SVEP1: variants seen among roughly 807,000 people sequenced by gnomAD.
SVEP1 encodes sushi, von Willebrand factor type A, EGF and pentraxin domain containing 1.
In SVEP1, 164 loss-of-function variants were observed where a neutral mutation model predicts 367.3. The observed-to-expected ratio is 0.45, with a 90% CI of 0.39 to 0.51. SVEP1 has a LOEUF of 0.51. Ranked by LOEUF, SVEP1 falls within the 20% of genes least tolerant of loss-of-function variation. SVEP1 has a pLI of 0.00. For missense variants in SVEP1, 4,117 were observed against 4,425.3 expected, an observed-to-expected ratio of 0.93 and a Z score of 1.98; for synonymous variants, 1,666 against 1,611.6, an observed-to-expected ratio of 1.03 and a Z score of -0.81.
At chr9:110,578,011 T>G (rs1830645726) in intron 1 of SVEP1, among the ~76,000 whole-genome samples, 1 of 152,146 alleles carries the variant, frequency 6.6e-6, no homozygotes, top group African/African-American at 2.4e-5. Flanking sequence ...GAATATAAAT[T>G]TATACAACCC....
chr9:110,370,856 A>G (rs1233887314), intron 46 of SVEP1, among the ~76,000 whole-genome samples: 1 of 152,252 alleles, frequency 6.6e-6, no homozygotes, highest in East Asian at 1.9e-4. Flanking sequence ...AGTAAGAACC[A>G]TTCCAATATC....
At chr9:110,477,930 G>C (rs778467181) in intron 13 of SVEP1, among the ~76,000 whole-genome samples, 2 of 152,058 alleles carry the variant, frequency 1.3e-5, no homozygotes, top group Non-Finnish European at 2.9e-5. Flanking sequence ...CATTTAATTA[G>C]AGTAAAAGGC....
At chr9:110,517,603 A>AAT (rs961643154) in intron 3 of SVEP1, among the ~76,000 whole-genome samples, 27 of 151,422 alleles carry the variant, frequency 1.8e-4, no homozygotes, top group South Asian at 4.2e-4. Flanking sequence ...ATCTCAAAAA[A>AAT]AAAAAAAAAA....
At chr9:110,451,182 A>G (rs1280863584) in intron 23 of SVEP1, 107 bp downstream of exon 23, 3 of 841,754 alleles carry the variant, frequency 3.6e-6, no homozygotes, top group Non-Finnish European at 5.6e-6. Flanking sequence ...ATCACCATAC[A>G]GTAATAAAAT....
chr9:110,395,714 T>G (rs1205426568), intron 40 of SVEP1, among the ~76,000 whole-genome samples: 1 of 150,758 alleles, frequency 6.6e-6, no homozygotes, highest in Non-Finnish European at 1.5e-5. Context: ...TAGTCTCTGA[T>G]AAAACAGACT....
At chr9:110,388,991 AATACATAC>A (rs1341306954) in intron 41 of SVEP1, among the ~76,000 whole-genome samples, 2 of 152,006 alleles carry the variant, frequency 1.3e-5, no homozygotes, top group African/African-American at 2.4e-5. Flanking sequence ...AAAATACATA[AATACATAC>A]ATACATTGTC....
intron 3 of SVEP1, among the ~76,000 whole-genome samples, chr9:110,539,786 C>A (rs1830122311): frequency 6.6e-6 from 1 of 151,880 alleles, no homozygotes; most frequent in Admixed American, 6.6e-5. Flanking sequence ...ATATATGCTG[C>A]CAAAGCAAGC....
Position 110,579,400 on chromosome 9 carries a change from C to T in SVEP1, c.144G>A (p.Ala48=). The T allele has an allele frequency of 6.4e-7, 1 of 1,573,106 alleles. No individual in the cohort carries two copies. Among genetic ancestry groups the T allele is most frequent in the Non-Finnish European group, 8.6e-7 (1 of 1,160,328 alleles). The stretch of plus-strand genomic sequence containing the variant: ...CCGCTTCGTCGCCAGGAGCGGGCGG[C>T]GCGGGGATACTCCCGGGGGCCCCGG... ...TAPGAPGSIP[A]PPAPGDEAAG... Residue 48 remains alanine, a synonymous_variant, in exon 1 of 48, where the codon GCG becomes GCA. Transcript: ENST00000374469. This position sits in a 1 kb window ranked among gnomAD's most constrained non-coding sequence, Gnocchi z 5.3.
At chr9:110,371,051 CAG>C (rs1827267784) in intron 46 of SVEP1, among the ~76,000 whole-genome samples, 1 of 152,136 alleles carries the variant, frequency 6.6e-6, no homozygotes, top group African/African-American at 2.4e-5. Context: ...GGTCCTTGTC[CAG>C]AGAGAACAAG....
At chr9:110,367,704 C>T (rs1827220362) in intron 47 of SVEP1, among the ~76,000 whole-genome samples, 1 of 152,034 alleles carries the variant, frequency 6.6e-6, no homozygotes, top group Admixed American at 6.6e-5. Context: ...CAATCTGGAC[C>T]AATCAGAGTC....
In SVEP1 at chr9:110,479,693, T is replaced by C. The variant is rs756412171; in HGVS notation, c.2429A>G (p.Asp810Gly). The C allele has an allele frequency of 1.4e-5, 23 of 1,611,118 alleles. No individual in the cohort carries two copies. Among genetic ancestry groups the C allele is most frequent in the Non-Finnish European group, 1.8e-5 (21 of 1,179,040 alleles). The change falls in exon 13 of 48, where the codon GAT becomes GGT. Residue 810 changes from aspartate (D) to glycine (G), a missense_variant. Asp to Gly is a moderately conservative substitution (Grantham distance 94). Transcript: ENST00000374469. The part of the protein sequence containing the change: ...FEMFYKAARC[D>G]DTDLMKKFSE... ...AAACTTCTTCATCAGATCTGTGTCATCACAACGAGCTGCTTTGTAGAACAT... is the reference window on the plus strand; with the variant it reads ...AAACTTCTTCATCAGATCTGTGTCACCACAACGAGCTGCTTTGTAGAACAT...
In SVEP1 at chr9:110,481,392, T is replaced by A; in HGVS notation, c.2215A>T (p.Ile739Leu). 6.2e-7 allele frequency: 1 copy of A among 1,604,446 alleles called. No homozygotes were observed. The highest frequency in any genetic ancestry group is 8.5e-7 in the Non-Finnish European group (1 of 1,175,522). ...IPFTPVNGDF[I>L]CTPDNTGVNC... ...ACTCCAGTATTATCTGGAGTGCATA[T>A]AAAATCCCCATTTACAGGTGTGAAT... Residue 739 changes from isoleucine (I) to leucine (L), a missense_variant, in exon 12 of 48, where the codon ATA becomes TTA. By Grantham distance (5) the Ile-to-Leu change is conservative. Transcript: ENST00000374469.
Position 110,397,916 on chromosome 9 carries a change from C to T in SVEP1, c.9822+2938G>A, listed in dbSNP as rs147142168. On this transcript the variant is annotated intron_variant, in intron 40 of 47. Transcript: ENST00000374469. ...CAATATCATGAAAATGGCCATGCTG[C>T]CCAAGGTAATTTATAGATTCAATGC... 9.2e-4 allele frequency among the ~76,000 whole-genome samples: 140 copies of T among 151,838 alleles called. 1 individual carries two copies. Among genetic ancestry groups the T allele is most frequent in the African/African-American group, 3.3e-3 (135 of 41,412 alleles).
At chr9:110,463,572 A>C (rs1290900542) in intron 18 of SVEP1, among the ~76,000 whole-genome samples, 1 of 151,782 alleles carries the variant, frequency 6.6e-6, no homozygotes, top group African/African-American at 2.4e-5. Context: ...CAAAAGAGAA[A>C]ATAAAGAAAA....
In SVEP1 at chr9:110,366,423, T is replaced by A; in HGVS notation, c.*116A>T. On this transcript the variant is annotated 3_prime_UTR_variant, in exon 48 of 48. Transcript: ENST00000374469. The stretch of plus-strand genomic sequence containing the variant: ...AAAAAAGTAACCCCAAGTAACAAGT[T>A]TACTAAACAAGACCCAGCACCATGT... 9.6e-7 allele frequency: 1 copy of A among 1,044,128 alleles called. No individual in the cohort carries two copies. The highest frequency in any genetic ancestry group is 1.3e-6 in the Non-Finnish European group (1 of 774,418). 64.7% of individuals were successfully genotyped at this position (1,044,128 alleles called of 1,614,324 possible). A position where few individuals can be genotyped will look rare whatever the true frequency, so the allele number is the denominator to read the frequency against.
chr9:110,409,108 T>C (rs756285619), intron 37 of SVEP1, among the ~76,000 whole-genome samples, 157 bp from the exon 38 acceptor site: 10 of 152,244 alleles, frequency 6.6e-5, no homozygotes, highest in Non-Finnish European at 1.5e-4. Context: ...AATAGATCCA[T>C]TCTATTTTTT....
chr9:110,367,757 T>C (rs901547188), intron 47 of SVEP1, among the ~76,000 whole-genome samples: 3 of 152,168 alleles, frequency 2.0e-5, no homozygotes, highest in Non-Finnish European at 4.4e-5. Flanking sequence ...CTCCGGATAC[T>C]GTATGGTGAC....
Position 110,579,106 on chromosome 9 carries a change from G to T in SVEP1, c.438C>A (p.Arg146=), listed in dbSNP as rs928768654. 1 of 1,553,556 alleles carries T rather than the reference G, an allele frequency of 6.4e-7. No homozygotes were observed. The highest frequency in any genetic ancestry group is 8.7e-7 in the Non-Finnish European group (1 of 1,148,866). The part of the protein sequence containing the change: ...RVDYISTRRA[R]QHKCALLLQE... Reference sequence around the variant, plus strand: ...GGAGGAGCAGCGCGCACTTGTGCTGGCGCGCGCGGCGGGTGGAGATGTAAT... The same window carrying T: ...GGAGGAGCAGCGCGCACTTGTGCTGTCGCGCGCGGCGGGTGGAGATGTAAT... The change falls in exon 1 of 48, where the codon CGC becomes CGA. Residue 146 remains arginine (R), a synonymous_variant. Coordinates refer to ENST00000374469, the MANE Select transcript of SVEP1 (RefSeq NM_153366.4). The surrounding 1 kb of genome is among the most constrained non-coding windows in gnomAD (Gnocchi z 5.3).
chr9:110,508,059 A>G (rs1282857053), intron 5 of SVEP1, among the ~76,000 whole-genome samples: 3 of 152,212 alleles, frequency 2.0e-5, no homozygotes, highest in Non-Finnish European at 4.4e-5. Flanking sequence ...AACACTTAAT[A>G]CCATTTTAAT....
Sources: allele counts gnomAD v4.1 joint callset (sites outside exome capture counted in the v4.1 genomes callset), GRCh38; gene constraint gnomAD v4.1.1; non-coding constraint Gnocchi (gnomAD v3.1); transcripts MANE v1.5; gene names NCBI Gene and HGNC (gene_info 2026-07-23, HGNC 2026-07-21).